Variants in CCDC192 observed in about 807,000 individuals in gnomAD.
CCDC192 encodes coiled-coil domain-containing protein 192.
At chr5:127,918,971 GTA>G (rs35046924) in intron 6 of CCDC192, among the ~76,000 whole-genome samples, 22,334 of 151,698 alleles carry the variant, frequency 0.15, 1,794 homozygotes, top group South Asian at 0.21. Flanking sequence ...GTGTCTGTGT[GTA>G]TATGTGTGTG....
intron 6 of CCDC192, among the ~76,000 whole-genome samples, chr5:127,882,539 C>T (rs186340859): frequency 6.6e-5 from 10 of 152,188 alleles, no homozygotes; most frequent in East Asian, 1.9e-4. Context: ...AATAGTTGCA[C>T]GGTATTTTTA....
intron 6 of CCDC192, among the ~76,000 whole-genome samples, chr5:127,934,913 G>C (rs1467306607): frequency 1.3e-5 from 2 of 152,206 alleles, no homozygotes. Context: ...GTGAGTCAGA[G>C]TAGTGGGCAT....
At chr5:127,734,875 G>T (rs889628278) in intron 2 of CCDC192, among the ~76,000 whole-genome samples, 3 of 151,720 alleles carry the variant, frequency 2.0e-5, no homozygotes, top group African/African-American at 7.3e-5. Flanking sequence ...CATTCTGTAG[G>T]TTGCCTGTTC....
intron 3 of CCDC192, among the ~76,000 whole-genome samples, chr5:127,770,708 G>A (rs187383659): frequency 1.3e-5 from 2 of 152,316 alleles, no homozygotes; most frequent in Admixed American, 1.3e-4. Flanking sequence ...AGATCTGAAT[G>A]TAGAGCTAAA....
At chr5:127,770,092 T>C (rs533203758) in intron 3 of CCDC192, among the ~76,000 whole-genome samples, 98 of 152,330 alleles carry the variant, frequency 6.4e-4, no homozygotes, top group African/African-American at 2.2e-3. Context: ...ATTTATTTTT[T>C]ATTTTGTTTA....
intron 6 of CCDC192, among the ~76,000 whole-genome samples, chr5:127,920,508 C>G (rs1367067200): frequency 6.8e-6 from 1 of 147,456 alleles, no homozygotes; most frequent in African/African-American, 2.5e-5. Context: ...CTCCTGGGTT[C>G]AAGCAATTCT....
At chr5:127,754,175 C>T (rs1209679760) in intron 2 of CCDC192, 93 bp from the exon 3 acceptor site, 1 of 393,194 alleles carries the variant, frequency 2.5e-6, no homozygotes, top group African/African-American at 2.1e-5. Flanking sequence ...CATTGATAAA[C>T]TCTTATGGAT....
intron 6 of CCDC192, among the ~76,000 whole-genome samples, chr5:127,926,385 T>G (rs4835933): frequency 0.045 from 6,816 of 152,258 alleles, 450 homozygotes; most frequent in East Asian, 0.3. Flanking sequence ...TAAAGTGACT[T>G]AAACCGAGGA....
At chr5:127,751,181 C>T (rs1422924359) in intron 2 of CCDC192, among the ~76,000 whole-genome samples, 4 of 150,182 alleles carry the variant, frequency 2.7e-5, no homozygotes, top group Non-Finnish European at 3.0e-5. Flanking sequence ...TTATTTTGCT[C>T]GTTAGTTGAT....
intron 3 of CCDC192, among the ~76,000 whole-genome samples, chr5:127,776,595 A>G (rs553555732): frequency 6.5e-4 from 99 of 152,336 alleles, no homozygotes; most frequent in African/African-American, 2.3e-3. Context: ...AAGATGTTGG[A>G]GAAAATGTCT....
At chr5:127,704,961 C>T (rs1181038451) in intron 1 of CCDC192, among the ~76,000 whole-genome samples, 3 of 151,962 alleles carry the variant, frequency 2.0e-5, no homozygotes, top group East Asian at 3.9e-4. Flanking sequence ...GTTTAGAAAG[C>T]GGAAAGACAT....
chr5:127,775,650 G>C (rs2126920544), intron 3 of CCDC192, among the ~76,000 whole-genome samples: 1 of 152,150 alleles, frequency 6.6e-6, no homozygotes, highest in East Asian at 1.9e-4. Flanking sequence ...ACTGACTTTT[G>C]TGTGTTTATC....
intron 3 of CCDC192, among the ~76,000 whole-genome samples, chr5:127,790,364 G>A (rs1337330323): frequency 6.6e-6 from 1 of 151,990 alleles, no homozygotes; most frequent in African/African-American, 2.4e-5. Context: ...CATATTTTGG[G>A]TACATATAAT....
In CCDC192 at chr5:127,812,717, G is replaced by T. The variant is rs189648818; in HGVS notation, c.411+14555G>T. Among the ~76,000 whole-genome samples the T allele has an allele frequency of 2.6e-5, 4 of 152,258 alleles. No individual in the cohort carries two copies. In the East Asian group the frequency reaches 7.7e-4, roughly 29 times the overall value. Reference sequence around the variant, plus strand: ...TTTCTGCCAAAGGAGGAATTAGTACGGGGCGTTTCTGCTCACCTTCACTTG... The same window carrying T: ...TTTCTGCCAAAGGAGGAATTAGTACTGGGCGTTTCTGCTCACCTTCACTTG... On this transcript the variant is annotated intron_variant, in intron 5 of 6. Coordinates refer to ENST00000514853, the MANE Select transcript of CCDC192 (RefSeq NM_001317938.2).
chr5:127,724,453 G>A (rs1023453203), intron 2 of CCDC192, among the ~76,000 whole-genome samples: 1 of 152,014 alleles, frequency 6.6e-6, no homozygotes, highest in Non-Finnish European at 1.5e-5. Flanking sequence ...TTATGTTATT[G>A]AAAATCTAGA....
chr5:127,762,030 C>G (rs1754960890), intron 3 of CCDC192, among the ~76,000 whole-genome samples: 2 of 151,888 alleles, frequency 1.3e-5, no homozygotes, highest in African/African-American at 4.8e-5. Flanking sequence ...TAATCTGATG[C>G]ATACTGAGAT....
intron 6 of CCDC192, among the ~76,000 whole-genome samples, chr5:127,925,213 T>C (rs141285194): frequency 2.2e-4 from 33 of 152,284 alleles, no homozygotes; most frequent in Non-Finnish European, 4.0e-4. Flanking sequence ...TAGGTAACTA[T>C]TGGAAAAAAC....
chr5:127,915,572 A>T (rs1429959291), intron 6 of CCDC192, among the ~76,000 whole-genome samples: 1 of 152,138 alleles, frequency 6.6e-6, no homozygotes, highest in Non-Finnish European at 1.5e-5. Flanking sequence ...GAGTAGAGAC[A>T]GGGTTTCACC....
At chr5:127,891,403 G>A (rs922277855) in intron 6 of CCDC192, among the ~76,000 whole-genome samples, 1 of 152,154 alleles carries the variant, frequency 6.6e-6, no homozygotes, top group African/African-American at 2.4e-5. Flanking sequence ...CCATCCGTGA[G>A]GGATTCTTAT....
Sources: allele counts gnomAD v4.1 joint callset (sites outside exome capture counted in the v4.1 genomes callset), GRCh38; gene constraint gnomAD v4.1.1; transcripts MANE v1.5; gene names NCBI Gene and HGNC (gene_info 2026-07-23, HGNC 2026-07-21).